The following ASTN1 variants were observed in gnomAD, a reference collection of about 807,000 sequenced individuals.
The protein encoded by ASTN1 is astrotactin-1.
In ASTN1, 41 loss-of-function variants were observed where a neutral mutation model predicts 140.7. That is an observed-to-expected ratio of 0.29 (90% CI 0.23 to 0.38). The LOEUF is 0.38. Among genes scored for constraint, ASTN1 ranks in the 10% least tolerant of loss-of-function variants. The probability of loss-of-function intolerance (pLI) is 1.00; values close to 1 mark genes in which losing one functional copy is unlikely to be tolerated. For synonymous variants in ASTN1, 640 were observed against 652.2 expected, an observed-to-expected ratio of 0.98 and a Z score of 0.29; for missense variants, 1,479 against 1,678.8, an observed-to-expected ratio of 0.88 and a Z score of 2.08.
At chr1:177,135,387 T>C (rs1682143632) in intron 1 of ASTN1, among the ~76,000 whole-genome samples, 1 of 150,870 alleles carries the variant, frequency 6.6e-6, no homozygotes, top group East Asian at 1.9e-4. Flanking sequence ...CGAGCCCTGC[T>C]TCCTGCATTC....
In ASTN1 at chr1:176,991,765, C is replaced by T. The variant is rs575351683; in HGVS notation, c.1523+23026G>A. Among the ~76,000 whole-genome samples the T allele has an allele frequency of 8.5e-5, 13 of 152,296 alleles. No individual in the cohort carries two copies. In the South Asian group the frequency reaches 2.7e-3, roughly 32 times the overall value. On this transcript the variant is annotated intron_variant, in intron 8 of 22. Transcript: ENST00000361833. The stretch of plus-strand genomic sequence containing the variant: ...TCTTGGGTTCAAATCTTGGCTCCAC[C>T]ACTTACAAGCCATTTAACCATGTAG...
intron 8 of ASTN1, among the ~76,000 whole-genome samples, chr1:176,982,188 G>A (rs1304418752): frequency 2.6e-5 from 4 of 152,192 alleles, no homozygotes; most frequent in Non-Finnish European, 4.4e-5. Context: ...AAAGTCCTGT[G>A]AGTTATAGGG....
At position 177,118,742 on chromosome 1, in the gene ASTN1, A is replaced by C. The variant is rs976109339; in HGVS notation, c.283+45652T>G. On this transcript the variant is annotated intron_variant, in intron 1 of 22. Coordinates refer to ENST00000361833, the MANE Select transcript of ASTN1 (RefSeq NM_004319.3). ...TTTGGTTTGCCAATATTACATGTGTATATAATGTTAGAAATGCAGGTATAT... is the reference window on the plus strand; with the variant it reads ...TTTGGTTTGCCAATATTACATGTGTCTATAATGTTAGAAATGCAGGTATAT... Among the ~76,000 whole-genome samples the C allele has an allele frequency of 4.6e-5, 7 of 152,158 alleles. 1 individual carries two copies. The East Asian group carries it at 1.4e-3, about 29-fold the overall frequency.
intron 1 of ASTN1, among the ~76,000 whole-genome samples, chr1:177,090,327 C>T (rs1679686417): frequency 6.6e-6 from 1 of 151,918 alleles, no homozygotes; most frequent in Non-Finnish European, 1.5e-5. Flanking sequence ...GCATATGCAA[C>T]ATGCTAGACA....
chr1:176,987,707 C>A (rs1477007603), intron 8 of ASTN1, among the ~76,000 whole-genome samples: 1 of 152,184 alleles, frequency 6.6e-6, no homozygotes. Flanking sequence ...AATTCCCAGG[C>A]TCTTTCTTTC....
intron 20 of ASTN1, among the ~76,000 whole-genome samples, chr1:176,880,758 A>G (rs897631066): frequency 2.0e-5 from 3 of 152,232 alleles, no homozygotes; most frequent in Non-Finnish European, 4.4e-5. Flanking sequence ...AGATTCTCAC[A>G]GTAACCTAGA....
chr1:177,129,668 A>C (rs114785462), intron 1 of ASTN1, among the ~76,000 whole-genome samples: 52 of 152,308 alleles, frequency 3.4e-4, no homozygotes, highest in Admixed American at 7.2e-4. Flanking sequence ...TCCATCTTCT[A>C]ATGTTAACAA....
At chr1:177,042,273 G>C (rs1475169867) in intron 2 of ASTN1, among the ~76,000 whole-genome samples, 1 of 152,194 alleles carries the variant, frequency 6.6e-6, no homozygotes, top group Non-Finnish European at 1.5e-5. Flanking sequence ...AGTGCCGTGA[G>C]ATCTGGTGTG....
At chr1:176,911,959 T>C (rs551938190) in intron 16 of ASTN1, among the ~76,000 whole-genome samples, 12 of 152,340 alleles carry the variant, frequency 7.9e-5, no homozygotes, top group South Asian at 2.1e-4. Context: ...AATGGCTACA[T>C]CACTCAGTGG....
chr1:176,994,354 T>C (rs1393594879), intron 8 of ASTN1, among the ~76,000 whole-genome samples: 1 of 152,168 alleles, frequency 6.6e-6, no homozygotes, highest in Admixed American at 6.6e-5. Context: ...TCACTCTTGC[T>C]GACTTGGAAT....
chr1:176,860,561 T>A (rs926885475), downstream of ASTN1, among the ~76,000 whole-genome samples: 1 of 152,230 alleles, frequency 6.6e-6, no homozygotes, highest in African/African-American at 2.4e-5. Context: ...CCTCAAATGC[T>A]CCTACACAGT....
intron 1 of ASTN1, among the ~76,000 whole-genome samples, chr1:177,126,514 A>G (rs1353325307): frequency 6.6e-6 from 1 of 152,100 alleles, no homozygotes; most frequent in Admixed American, 6.6e-5. Context: ...AGCACAGGAG[A>G]GTTAATAAAG....
chr1:177,123,188 T>C (rs1271482309), intron 1 of ASTN1, among the ~76,000 whole-genome samples: 1 of 152,180 alleles, frequency 6.6e-6, no homozygotes, highest in Admixed American at 6.5e-5. Context: ...CTGAGTAGAA[T>C]GGATTCATTA....
intron 1 of ASTN1, among the ~76,000 whole-genome samples, chr1:177,110,174 T>G (rs1680755193): frequency 6.6e-6 from 1 of 152,220 alleles, no homozygotes; most frequent in Non-Finnish European, 1.5e-5. Context: ...GAAAAAATAT[T>G]AATTGGGATT....
chr1:176,957,041 G>C (rs1279982669), intron 11 of ASTN1, among the ~76,000 whole-genome samples: 2 of 152,148 alleles, frequency 1.3e-5, no homozygotes, highest in South Asian at 2.1e-4. Flanking sequence ...AAGACTATCA[G>C]CATACACTGC....
At chr1:177,021,308 A>G (rs970535320) in intron 7 of ASTN1, among the ~76,000 whole-genome samples, 3 of 152,214 alleles carry the variant, frequency 2.0e-5, no homozygotes, top group African/African-American at 7.2e-5. Flanking sequence ...AGCTATTAGC[A>G]GGGGAGGGGC....
intron 22 of ASTN1, among the ~76,000 whole-genome samples, chr1:176,866,653 A>AAT (rs1668135317): frequency 6.6e-6 from 1 of 152,066 alleles, no homozygotes; most frequent in African/African-American, 2.4e-5. Context: ...TGCTCACTTT[A>AAT]AATAATAATA....
chr1:177,048,002 T>C (rs1292653445), intron 2 of ASTN1, among the ~76,000 whole-genome samples: 1 of 152,196 alleles, frequency 6.6e-6, no homozygotes, highest in Non-Finnish European at 1.5e-5. Context: ...AATTTCTGGA[T>C]GCAAAATACA....
rs538644414 is a variant in ASTN1 at position 176,987,770 on chromosome 1, G to T, written c.1524-22533C>A. 3.3e-5 allele frequency among the ~76,000 whole-genome samples: 5 copies of T among 152,250 alleles called. No homozygotes were observed. In the South Asian group the frequency reaches 1.0e-3, roughly 32 times the overall value. On this transcript the variant is annotated intron_variant, in intron 8 of 22. Transcript: ENST00000361833. ...ACAGATGTGCCTAATGGCAGTGAGA[G>T]CAGTTAGGAAGATGTTATCAAATTT...
Sources: allele counts gnomAD v4.1 joint callset (sites outside exome capture counted in the v4.1 genomes callset), GRCh38; gene constraint gnomAD v4.1.1; transcripts MANE v1.5; gene names NCBI Gene and HGNC (gene_info 2026-07-23, HGNC 2026-07-21).